Variants in SLCO4A1 observed in about 807,000 individuals in gnomAD.
SLCO4A1 encodes colon organic anion transporter.
A neutral mutation model predicts 64.6 loss-of-function variants in SLCO4A1; 51 were observed. That is an observed-to-expected ratio of 0.79 (90% CI 0.63 to 1.00). The LOEUF is 1.00. Ranked by LOEUF, SLCO4A1 falls within the 50% of genes least tolerant of loss-of-function variation. SLCO4A1 has a pLI of 0.00. For missense variants in SLCO4A1, 919 were observed against 980.5 expected, an observed-to-expected ratio of 0.94 and a Z score of 0.84; for synonymous variants, 471 against 444.9, an observed-to-expected ratio of 1.06 and a Z score of -0.74.
Position 62,652,682 on chromosome 20 carries a change from G to T in SLCO4A1, c.-96-3677G>T, listed in dbSNP as rs537209528. ...CGCACACTCCCTTTCTGACGCAGCA[G>T]GTCCCAAACCAGCCTGGCCTGCCAG... On this transcript the variant is annotated intron_variant, in intron 1 of 11. Transcript: ENST00000217159. Among the ~76,000 whole-genome samples, 18 of 152,342 alleles carry T rather than the reference G, an allele frequency of 1.2e-4. No homozygotes were observed. In the East Asian group the frequency reaches 3.3e-3, roughly 28 times the overall value.
downstream of SLCO4A1, among the ~76,000 whole-genome samples, chr20:62,686,358 T>TGGA (rs1319861476): frequency 1.1e-4 from 17 of 152,208 alleles, no homozygotes; most frequent in Admixed American, 1.1e-3. Context: ...CAGAGCGGCG[T>TGGA]GGAGCTCGCA....
chr20:62,690,139 C>T (rs1988182253), downstream of SLCO4A1, among the ~76,000 whole-genome samples: 1 of 152,222 alleles, frequency 6.6e-6, no homozygotes, highest in Admixed American at 6.5e-5. Context: ...GTCCTGGCCC[C>T]CTCCCTCGCA....
chr20:62,681,903 A>C (rs764488579), intron 2 of SLCO4A1, among the ~76,000 whole-genome samples: 2 of 152,244 alleles, frequency 1.3e-5, no homozygotes, highest in Middle Eastern at 3.4e-3. Context: ...GGTAGTTTGC[A>C]AAAACTTTTC....
At position 62,645,324 on chromosome 20, in the gene SLCO4A1, T is replaced by C. The variant is rs1220521696; in HGVS notation, c.-97+2771T>C. 1.3e-5 allele frequency among the ~76,000 whole-genome samples: 2 copies of C among 152,014 alleles called. No individual in the cohort carries two copies. The highest frequency in any genetic ancestry group is 2.9e-5 in the Non-Finnish European group (2 of 67,966). ...TGGCCCTGCTGCTGGGACAACAGAC[T>C]CTGGGCGTGTCCTCCTGTGGGCCTC... On this transcript the variant is annotated intron_variant, in intron 1 of 11. Coordinates refer to ENST00000217159, the MANE Select transcript of SLCO4A1 (RefSeq NM_016354.4). The surrounding 1 kb of genome is among the most constrained non-coding windows in gnomAD (Gnocchi z 4.2).
chr20:62,672,410 T>C, downstream of SLCO4A1: 1 of 440,614 alleles, frequency 2.3e-6, no homozygotes. Flanking sequence ...AAGTTGGCCT[T>C]CCTTATCCAC....
At chr20:62,654,993 G>A (rs562378268) in intron 1 of SLCO4A1, among the ~76,000 whole-genome samples, 2 of 152,290 alleles carry the variant, frequency 1.3e-5, no homozygotes, top group Admixed American at 1.3e-4. Flanking sequence ...TATGGACACC[G>A]GTCAGATTGG....
chr20:62,678,529 ATTCT>A (rs1225799660), intron 2 of SLCO4A1, among the ~76,000 whole-genome samples: 1 of 140,788 alleles, frequency 7.1e-6, no homozygotes, highest in African/African-American at 2.6e-5. Flanking sequence ...TTACAGCGCT[ATTCT>A]TTTTTTTTTT....
At position 62,657,117 on chromosome 20, in the gene SLCO4A1, G is replaced by A. The variant is rs898179378; in HGVS notation, c.663G>A (p.Ser221=). 6.3e-6 allele frequency: 10 copies of A among 1,583,442 alleles called. No homozygotes were observed. Among genetic ancestry groups the A allele is most frequent in the Middle Eastern group, 1.7e-4 (1 of 5,984 alleles). ...GCGCGGTGTGTGCGGACAGCACCTCGGGCCTGTCCCGCTACCAGCTGGTCT... is the reference window on the plus strand; with the variant it reads ...GCGCGGTGTGTGCGGACAGCACCTCAGGCCTGTCCCGCTACCAGCTGGTCT... ...NPGAVCADST[S]GLSRYQLVFM... Residue 221 remains serine, a synonymous_variant, in exon 2 of 12, where the codon TCG becomes TCA. Coordinates refer to ENST00000217159, the MANE Select transcript of SLCO4A1 (RefSeq NM_016354.4).
At chr20:62,690,718 G>A (rs931689282), downstream of SLCO4A1, among the ~76,000 whole-genome samples, 5 of 152,130 alleles carry the variant, frequency 3.3e-5, no homozygotes, top group African/African-American at 9.7e-5. Flanking sequence ...TTCAATAAAC[G>A]CGCTTTCATT....
In SLCO4A1 at chr20:62,660,527, C is replaced by T; in HGVS notation, c.1003C>T (p.Leu335=). 3 of 1,605,100 alleles carry T rather than the reference C, an allele frequency of 1.9e-6. No individual in the cohort carries two copies. Among genetic ancestry groups the T allele is most frequent in the Non-Finnish European group, 2.5e-6 (3 of 1,179,932 alleles). The change falls in exon 4 of 12, where the codon CTG becomes TTG. Residue 335 remains leucine, a synonymous_variant. Coordinates refer to ENST00000217159, the MANE Select transcript of SLCO4A1 (RefSeq NM_016354.4). ...TCCCATCCTTGGTTACCCTCGGCAG[C>T]TGCCAGGTGGGTTTCCCTTCCCCAG... ...AVPILGYPRQ[L]PGSQRYAVMR...
chr20:62,646,932 T>TG (rs1981445186), intron 1 of SLCO4A1, among the ~76,000 whole-genome samples: 1 of 149,960 alleles, frequency 6.7e-6, no homozygotes. Flanking sequence ...GTTCAGTGGG[T>TG]GGAGACTGGG....
chr20:62,688,269 T>G (rs1289506473), downstream of SLCO4A1, among the ~76,000 whole-genome samples: 1 of 152,014 alleles, frequency 6.6e-6, no homozygotes, highest in Non-Finnish European at 1.5e-5. Flanking sequence ...CGAGAACACC[T>G]CGCCCAGGTC....
intron 3 of SLCO4A1, 101 bp downstream of exon 3, chr20:62,658,868 G>T: frequency 9.6e-7 from 1 of 1,045,308 alleles, no homozygotes. Flanking sequence ...GGCCGGGCGC[G>T]GCGCAGGTGC....
At chr20:62,656,326 C>T (rs1026997742) in intron 1 of SLCO4A1, 33 bp from the exon 2 acceptor site, 28 of 768,392 alleles carry the variant, frequency 3.6e-5, no homozygotes, top group African/African-American at 5.3e-5. Flanking sequence ...CGTGGAGAGA[C>T]GTGAGCTTGC....
chr20:62,660,281 C>A, intron 3 of SLCO4A1, 131 bp from the exon 4 acceptor site: 1 of 1,016,266 alleles, frequency 9.8e-7, no homozygotes, highest in Non-Finnish European at 1.4e-6. Flanking sequence ...GCACCAGGGG[C>A]CTGTGTTGAC....
intron 5 of SLCO4A1, among the ~76,000 whole-genome samples, chr20:62,662,849 C>G (rs1353577860): frequency 1.8e-4 from 2 of 10,904 alleles, no homozygotes; most frequent in African/African-American, 2.5e-4. Context: ...CCCCCACACG[C>G]CGGGACCCCC....
chr20:62,673,716 T>C (rs6090214), downstream of SLCO4A1, among the ~76,000 whole-genome samples: 139,213 of 143,348 alleles, frequency 0.97, 67,768 homozygotes, highest in East Asian at 1. Flanking sequence ...TGCTCAGCCC[T>C]GGCCTTCAAG....
In SLCO4A1 at chr20:62,666,563, G is replaced by C; in HGVS notation, c.1460G>C (p.Ser487Thr). 6.2e-7 allele frequency: 1 copy of C among 1,612,394 alleles called. No individual in the cohort carries two copies. The highest frequency in any genetic ancestry group is 8.5e-7 in the Non-Finnish European group (1 of 1,179,898). The change falls in exon 7 of 12, where the codon AGC becomes ACC. Residue 487 changes from serine (S) to threonine (T), a missense_variant. Ser to Thr is a moderately conservative substitution (Grantham distance 58). Transcript: ENST00000217159. ...PSVPMAGVTASYGGSLLPEGH... is the reference protein window; with the variant it reads ...PSVPMAGVTATYGGSLLPEGH... ...GTGCCCATGGCGGGCGTCACAGCCA[G>C]CTACGGCGGGAGGTGAGGGCCAGAT...
Position 62,644,524 on chromosome 20 carries a change from A to T in SLCO4A1, c.-97+1971A>T, listed in dbSNP as rs1378169210. On this transcript the variant is annotated intron_variant, in intron 1 of 11. Coordinates refer to ENST00000217159, the MANE Select transcript of SLCO4A1 (RefSeq NM_016354.4). This position sits in a 1 kb window ranked among gnomAD's most constrained non-coding sequence, Gnocchi z 5.4. Reference sequence around the variant, plus strand: ...TGGATGGACATGCTCTCCTTGCTAGACTAAGCCCAGAGAGGCCGGCTCTCC... The same window carrying T: ...TGGATGGACATGCTCTCCTTGCTAGTCTAAGCCCAGAGAGGCCGGCTCTCC... Among the ~76,000 whole-genome samples, 1 of 152,188 alleles carries T rather than the reference A, an allele frequency of 6.6e-6. No homozygotes were observed. Among genetic ancestry groups the T allele is most frequent in the East Asian group, 1.9e-4 (1 of 5,194 alleles).
Sources: gnomAD v4.1 joint callset for allele counts (sites outside exome capture counted in the v4.1 genomes callset) on GRCh38, gnomAD v4.1.1 for gene constraint, Gnocchi (gnomAD v3.1) non-coding constraint, MANE v1.5 for transcripts, NCBI Gene and HGNC (gene_info 2026-07-23, HGNC 2026-07-21) for gene names.